Variants in PCM1 observed in about 807,000 individuals in gnomAD.
The protein encoded by PCM1 is pericentriolar material 1, also known as pericentriolar material 1 protein.
In PCM1, 157 loss-of-function variants were observed where a neutral mutation model predicts 241.9. The observed-to-expected ratio is 0.65, with a 90% CI of 0.57 to 0.74. The LOEUF is 0.74. PCM1 is among the 30% of genes least tolerant of loss of function. PCM1 has a pLI of 0.00. For synonymous variants in PCM1, 1,085 were observed against 784.9 expected (o/e 1.38, Z -6.39); for missense variants, 3,478 against 2,360.1 (o/e 1.47, Z -9.81).
intron 26 of PCM1, among the ~76,000 whole-genome samples, chr8:17,988,301 A>G (rs190323952): frequency 4.6e-5 from 7 of 152,034 alleles, no homozygotes; most frequent in Admixed American, 3.9e-4. Flanking sequence ...TGAAGATAGG[A>G]AACTTTAAAA....
chr8:17,956,876 C>T (rs538296179), intron 11 of PCM1, 99 bp downstream of exon 11: 33 of 963,370 alleles, frequency 3.4e-5, no homozygotes, highest in Admixed American at 4.8e-5. Flanking sequence ...TTACTATTTG[C>T]CTTTTATTTA....
At chr8:18,001,482 T>C (rs2089404110) in intron 29 of PCM1, among the ~76,000 whole-genome samples, 1 of 152,182 alleles carries the variant, frequency 6.6e-6, no homozygotes, top group Non-Finnish European at 1.5e-5. Flanking sequence ...TGGTAAGCAG[T>C]ACTATTAATT....
At chr8:17,999,918 C>T (rs2088643118) in intron 29 of PCM1, among the ~76,000 whole-genome samples, 1 of 152,040 alleles carries the variant, frequency 6.6e-6, no homozygotes, top group Admixed American at 6.6e-5. Flanking sequence ...GCAGACCTAG[C>T]AGTGAACAAG....
intron 23 of PCM1, among the ~76,000 whole-genome samples, chr8:17,974,817 A>G (rs1304865783): frequency 6.6e-6 from 1 of 151,884 alleles, no homozygotes; most frequent in African/African-American, 2.4e-5. Context: ...TTGCTCAACA[A>G]GCATTCAAGA....
intron 4 of PCM1, among the ~76,000 whole-genome samples, chr8:17,938,425 A>G (rs411531): frequency 0.78 from 118,262 of 152,050 alleles, 46,439 homozygotes; most frequent in African/African-American, 0.83. Flanking sequence ...TTGAAAAAAA[A>G]TGAAACTCCT....
At chr8:17,954,199 G>A (rs572898064) in intron 9 of PCM1, among the ~76,000 whole-genome samples, 4 of 152,202 alleles carry the variant, frequency 2.6e-5, no homozygotes, top group South Asian at 2.1e-4. Context: ...AGGCTGAGGC[G>A]GGTGGATCAC....
At position 17,945,656 on chromosome 8, in the gene PCM1, A is replaced by G. The variant is rs143150879; in HGVS notation, c.784-1530A>G. ...CTCATTCACAATACTGATGAGTTCT[A>G]CTTGGGGAGGTAAAGAAATTTTTAT... On this transcript the variant is annotated intron_variant, in intron 6 of 38. Transcript: ENST00000325083. Among the ~76,000 whole-genome samples the G allele has an allele frequency of 9.3e-3, 1,420 of 152,256 alleles. 12 individuals are homozygous for G. Among genetic ancestry groups the G allele is most frequent in the Non-Finnish European group, 0.014 (924 of 67,988 alleles).
At chr8:18,007,947 G>T (rs1038754471) in intron 30 of PCM1, among the ~76,000 whole-genome samples, 1 of 152,276 alleles carries the variant, frequency 6.6e-6, no homozygotes, top group East Asian at 1.9e-4. Flanking sequence ...TACTAAAAAT[G>T]TATACAGTAT....
intron 10 of PCM1, 166 bp downstream of exon 10, chr8:17,955,819 G>C (rs961965710): frequency 4.3e-5 from 27 of 630,064 alleles, no homozygotes; most frequent in African/African-American, 3.5e-4. Flanking sequence ...GGCATAATTT[G>C]AGTTGTCTAA....
At chr8:17,956,531 G>C in intron 10 of PCM1, 73 bp from the exon 11 acceptor site, 2 of 910,042 alleles carry the variant, frequency 2.2e-6, no homozygotes, top group Non-Finnish European at 3.4e-6. Flanking sequence ...TAGCTGCTAT[G>C]ATATGAAAAT....
chr8:17,992,489 A>T (rs2085027680), intron 28 of PCM1, among the ~76,000 whole-genome samples: 1 of 151,498 alleles, frequency 6.6e-6, no homozygotes, highest in Admixed American at 6.6e-5. Context: ...TTTGATTTGC[A>T]TTTTCCTGAT....
intron 26 of PCM1, among the ~76,000 whole-genome samples, chr8:17,988,393 A>G (rs796989093): frequency 2.0e-5 from 3 of 152,022 alleles, no homozygotes; most frequent in African/African-American, 4.8e-5. Context: ...CCATCACACT[A>G]TACACAAAAT....
intron 7 of PCM1, among the ~76,000 whole-genome samples, chr8:17,948,886 C>G (rs751699312): frequency 9.9e-5 from 15 of 152,128 alleles, no homozygotes; most frequent in African/African-American, 1.4e-4. Context: ...CTTGCATAAT[C>G]TCCTTTGATC....
intron 11 of PCM1, among the ~76,000 whole-genome samples, chr8:17,956,982 T>C (rs1278286574): frequency 2.0e-5 from 3 of 152,244 alleles, no homozygotes; most frequent in Non-Finnish European, 4.4e-5. Context: ...AATTTGCCCT[T>C]TGTTAGACTG....
intron 2 of PCM1, among the ~76,000 whole-genome samples, chr8:17,931,333 G>C (rs2129447397): frequency 6.6e-6 from 1 of 151,758 alleles, no homozygotes; most frequent in South Asian, 2.1e-4. Flanking sequence ...CTCTTGCCCA[G>C]GCTGGAGTGC....
chr8:17,941,371 A>T (rs555110078), intron 6 of PCM1, among the ~76,000 whole-genome samples: 1 of 152,320 alleles, frequency 6.6e-6, no homozygotes, highest in East Asian at 1.9e-4. Context: ...AACATGTAGC[A>T]GAGTAAATGT....
intron 34 of PCM1, among the ~76,000 whole-genome samples, chr8:18,013,532 C>G (rs936360363): frequency 3.3e-5 from 5 of 152,196 alleles, no homozygotes; most frequent in African/African-American, 1.2e-4. Flanking sequence ...ATCTCCAGCT[C>G]CTGCCCCAAC....
intron 5 of PCM1, 75 bp from the exon 6 acceptor site, chr8:17,939,616 T>C: frequency 1.4e-6 from 1 of 723,734 alleles, no homozygotes; most frequent in Non-Finnish European, 2.1e-6. Flanking sequence ...AAACTGTTGC[T>C]ATTGAACTAA....
In PCM1 at chr8:17,956,705, G is replaced by C. The variant is rs1312530916; in HGVS notation, c.1574G>C (p.Arg525Thr). 1.2e-6 allele frequency: 2 copies of C among 1,606,754 alleles called. No homozygotes were observed. Among genetic ancestry groups the C allele is most frequent in the Admixed American group, 3.4e-5 (2 of 59,402 alleles). The part of the protein sequence containing the change: ...DMMTDAVNEN[R>T]KDEETEESEY... Reference sequence around the variant, plus strand: ...ATGACAGATGCTGTGAATGAAAACAGGAAAGATGAAGAAACTGAAGAGTCA... The same window carrying C: ...ATGACAGATGCTGTGAATGAAAACACGAAAGATGAAGAAACTGAAGAGTCA... Residue 525 changes from arginine (R) to threonine (T), a missense_variant, in exon 11 of 39, where the codon AGG becomes ACG. Physicochemically the swap from Arg to Thr is moderately conservative, Grantham distance 71 (BLOSUM62 -1). Transcript: ENST00000325083.
Sources: gnomAD v4.1 joint callset for allele counts (sites outside exome capture counted in the v4.1 genomes callset) on GRCh38, gnomAD v4.1.1 for gene constraint, MANE v1.5 for transcripts, NCBI Gene and HGNC (gene_info 2026-07-23, HGNC 2026-07-21) for gene names.